The following PRKDC variants were observed in gnomAD, a reference collection of about 807,000 sequenced individuals.
PRKDC encodes DNA-dependent protein kinase catalytic subunit.
In PRKDC, 82 loss-of-function variants were observed where a neutral mutation model predicts 486.9. That is an observed-to-expected ratio of 0.17 (90% confidence interval 0.14 to 0.20). The LOEUF is 0.20. Among genes scored for constraint, PRKDC ranks in the 10% least tolerant of loss-of-function variants. The probability of loss-of-function intolerance (pLI) is 1.00; values close to 1 mark genes in which losing one functional copy is unlikely to be tolerated. For synonymous variants in PRKDC, 1,895 were observed against 1,837.0 expected (o/e 1.03, Z -0.81); for missense variants, 4,504 against 5,038.2 (o/e 0.89, Z 3.21).
At chr8:47,925,791 A>G (rs2090147479) in intron 21 of PRKDC, among the ~76,000 whole-genome samples, 1 of 152,254 alleles carries the variant, frequency 6.6e-6, no homozygotes, top group Admixed American at 6.5e-5. Flanking sequence ...CACAATAGAG[A>G]AAGTACATGC....
At chr8:47,852,957 G>C (rs1225722423) in intron 51 of PRKDC, among the ~76,000 whole-genome samples, 173 bp from the exon 52 acceptor site, 4 of 152,158 alleles carry the variant, frequency 2.6e-5, no homozygotes, top group Non-Finnish European at 4.4e-5. Flanking sequence ...TGTACGTAAG[G>C]GTGCCCGATG....
intron 27 of PRKDC, 65 bp downstream of exon 27, chr8:47,902,502 CAG>C: frequency 8.9e-7 from 1 of 1,124,674 alleles, no homozygotes; most frequent in Non-Finnish European, 1.2e-6. Context: ...CACGGATACA[CAG>C]AGTGAAACTC....
At chr8:47,919,322 C>G (rs192407508) in intron 21 of PRKDC, among the ~76,000 whole-genome samples, 4 of 152,186 alleles carry the variant, frequency 2.6e-5, no homozygotes, top group African/African-American at 9.7e-5. Flanking sequence ...TAATTTCATA[C>G]GTGGTCTCTC....
intron 68 of PRKDC, 119 bp downstream of exon 68, chr8:47,817,327 AGGAT>A: frequency 1.5e-6 from 1 of 669,898 alleles, no homozygotes; most frequent in South Asian, 2.1e-5. Flanking sequence ...GGAAACAGGA[AGGAT>A]GGAAAACAGC....
At chr8:47,779,203 A>G (rs1158023659) in intron 80 of PRKDC, 110 bp from the exon 81 acceptor site, 11 of 757,504 alleles carry the variant, frequency 1.5e-5, no homozygotes, top group Non-Finnish European at 2.3e-5. Context: ...GGCAGGAAAA[A>G]ATAATAAGAC....
At chr8:47,868,446 T>C (rs1394437187) in intron 40 of PRKDC, among the ~76,000 whole-genome samples, 1 of 150,932 alleles carries the variant, frequency 6.6e-6, no homozygotes, top group East Asian at 1.9e-4. Context: ...AGCATGCCTG[T>C]AGTTCCAGCT....
intron 25 of PRKDC, among the ~76,000 whole-genome samples, chr8:47,907,285 C>T (rs2089802725): frequency 6.7e-6 from 1 of 148,730 alleles, no homozygotes; most frequent in Admixed American, 8.0e-5. Flanking sequence ...TGTGATCCAC[C>T]CACCTCGGCC....
intron 25 of PRKDC, among the ~76,000 whole-genome samples, chr8:47,906,882 A>G (rs2089792581): frequency 6.6e-6 from 1 of 151,492 alleles, no homozygotes; most frequent in African/African-American, 2.4e-5. Context: ...TCTTCCAAAC[A>G]GTCTTTCTAG....
At position 47,797,812 on chromosome 8, in the gene PRKDC, C is replaced by G. The variant is rs369851856; in HGVS notation, c.10458+425G>C. On this transcript the variant is annotated intron_variant, in intron 73 of 85. Coordinates refer to ENST00000314191, the MANE Select transcript of PRKDC (RefSeq NM_006904.7). ...CATGCTCCCAGACCCCTCTGGACAC[C>G]GTGCTGCTGGCAGATGCTGTGCTCC... 1.7e-4 allele frequency among the ~76,000 whole-genome samples: 26 copies of G among 152,334 alleles called. No homozygotes were observed. The South Asian group carries it at 5.2e-3, about 30-fold the overall frequency.
chr8:47,920,815 C>T (rs888214786), intron 21 of PRKDC, among the ~76,000 whole-genome samples: 1 of 152,150 alleles, frequency 6.6e-6, no homozygotes, highest in Non-Finnish European at 1.5e-5. Flanking sequence ...GTGTAATATA[C>T]ATAACATGAA....
chr8:47,792,324 T>G (rs2086895750), intron 74 of PRKDC, among the ~76,000 whole-genome samples: 1 of 150,960 alleles, frequency 6.6e-6, no homozygotes, highest in Admixed American at 6.6e-5. Context: ...AGTGGCTTGA[T>G]CTCGGCTCAC....
intron 48 of PRKDC, among the ~76,000 whole-genome samples, chr8:47,858,040 T>G (rs745781567): frequency 5.9e-5 from 9 of 152,176 alleles, no homozygotes; most frequent in Admixed American, 6.5e-5. Flanking sequence ...CCCTGCCTAG[T>G]GCAAACTCTC....
At chr8:47,934,893 C>T (rs879527361) in intron 14 of PRKDC, 116 bp downstream of exon 14, 4 of 708,660 alleles carry the variant, frequency 5.6e-6, no homozygotes, top group African/African-American at 1.8e-5. Flanking sequence ...TAAGGCATTG[C>T]TAATAACTAA....
intron 40 of PRKDC, among the ~76,000 whole-genome samples, chr8:47,868,122 A>G (rs562654963): frequency 6.6e-6 from 1 of 152,298 alleles, no homozygotes; most frequent in South Asian, 2.1e-4. Flanking sequence ...ATATTCATGA[A>G]GGATACTTAC....
rs1354024379 is a variant in PRKDC at position 47,831,931 on chromosome 8, A to G, written c.8153-5T>C. On this transcript the variant is annotated splice_region_variant and splice_polypyrimidine_tract_variant and intron_variant, in intron 59 of 85. Transcript: ENST00000314191. ...GGTCCGTCCGGCCGGCCGCACCTGG[A>G]GAGGGAAAGCAGGCCCAGTTACTCC... 3.1e-6 allele frequency: 5 copies of G among 1,609,538 alleles called. No individual in the cohort carries two copies. The highest frequency in any genetic ancestry group is 4.3e-6 in the Non-Finnish European group (5 of 1,176,468).
intron 66 of PRKDC, among the ~76,000 whole-genome samples, chr8:47,820,315 C>G (rs995352697): frequency 6.6e-6 from 1 of 152,040 alleles, no homozygotes; most frequent in Non-Finnish European, 1.5e-5. Context: ...GCAGGAGAAT[C>G]ACTTGAACCA....
intron 19 of PRKDC, among the ~76,000 whole-genome samples, chr8:47,928,264 G>C (rs1344412090): frequency 6.8e-6 from 1 of 147,182 alleles, no homozygotes; most frequent in Non-Finnish European, 1.5e-5. Context: ...CGATTCTCCT[G>C]CCTCGGCATC....
Position 47,858,982 on chromosome 8 carries a change from T to G in PRKDC, c.6212A>C (p.Gln2071Pro). The change falls in exon 47 of 86, where the codon CAG (glutamine) becomes CCG (proline). Residue 2071 changes from glutamine (Q) to proline (P), a missense_variant. By Grantham distance (76) the Gln-to-Pro change is moderately conservative (BLOSUM62 -1). This residue lies in a region of PRKDC where 1,592 missense variants were observed against 1,724.6 expected (regional missense o/e 0.92). Coordinates refer to ENST00000314191, the MANE Select transcript of PRKDC (RefSeq NM_006904.7). ...ATCATCATGCACCGTGGGGTCCCGC[T>G]GCTCCTGCGAAAGGGAGGGCCCAGG... ...PATGRFRRRE[Q>P]RDPTVHDDVL... The G allele has an allele frequency of 1.2e-6, 2 of 1,612,702 alleles. No individual in the cohort carries two copies. Among genetic ancestry groups the G allele is most frequent in the African/African-American group, 2.7e-5 (2 of 75,030 alleles).
intron 74 of PRKDC, among the ~76,000 whole-genome samples, chr8:47,793,000 G>A (rs1439992308): frequency 6.6e-6 from 1 of 152,178 alleles, no homozygotes; most frequent in Non-Finnish European, 1.5e-5. Flanking sequence ...TCCCACCTCA[G>A]CCTCCTAAGT....
Sources: gnomAD v4.1 joint callset for allele counts (sites outside exome capture counted in the v4.1 genomes callset) on GRCh38, gnomAD v4.1.1 for gene constraint, gnomAD v4.1.1 regional missense constraint, MANE v1.5 for transcripts, NCBI Gene and HGNC (gene_info 2026-07-23, HGNC 2026-07-21) for gene names.